Variants in WDFY3 observed in about 807,000 individuals in gnomAD.
The protein encoded by WDFY3 is WD repeat and FYVE domain-containing protein 3.
Under a neutral mutation model 409.6 loss-of-function variants are expected in WDFY3, and 66 were observed. The ratio of observed to expected loss-of-function variants is 0.16; its 90% confidence interval spans 0.13 to 0.20. The LOEUF is 0.20. WDFY3 is among the 10% of genes least tolerant of loss of function. The probability of loss-of-function intolerance (pLI) is 1.00; values close to 1 mark genes in which losing one functional copy is unlikely to be tolerated. For synonymous variants in WDFY3, 1,521 were observed against 1,537.1 expected, an observed-to-expected ratio of 0.99 and a Z score of 0.25; for missense variants, 3,031 against 4,298.1, an observed-to-expected ratio of 0.71 and a Z score of 8.24.
rs771296914 is a variant in WDFY3, at chr4:84,786,036, T to C, written c.4005A>G (p.Thr1335=). 8.1e-6 allele frequency: 13 copies of C among 1,614,082 alleles called. No individual in the cohort carries two copies. In the South Asian group the frequency reaches 1.1e-4, roughly 14 times the overall value. Residue 1335 remains threonine, a synonymous_variant, in exon 24 of 68, where the codon ACA becomes ACG. Coordinates refer to ENST00000295888, the MANE Select transcript of WDFY3 (RefSeq NM_014991.6). ...TATACACTTTCCGGATTCTTGCCAC[T>C]GTTAGAGACGACACAGAGAGTGCAT... ...GLYALSVSSL[T]VARIRKVYNK...
At chr4:84,914,515 G>A (rs879570614) in intron 2 of WDFY3, among the ~76,000 whole-genome samples, 69 of 152,252 alleles carry the variant, frequency 4.5e-4, no homozygotes, top group Non-Finnish European at 8.4e-4. Context: ...TCGACTGGAG[G>A]GGCACTGGCA....
intron 3 of WDFY3, among the ~76,000 whole-genome samples, chr4:84,882,536 T>C (rs996695289): frequency 2.6e-5 from 4 of 152,140 alleles, no homozygotes; most frequent in Non-Finnish European, 4.4e-5. Context: ...ATATTATGTA[T>C]ATATAATCTG....
At chr4:84,914,823 C>T (rs776712273) in intron 2 of WDFY3, among the ~76,000 whole-genome samples, 5 of 152,116 alleles carry the variant, frequency 3.3e-5, no homozygotes, top group Non-Finnish European at 5.9e-5. Flanking sequence ...TACAACCCAG[C>T]AATTCTGTTT....
intron 2 of WDFY3, among the ~76,000 whole-genome samples, chr4:84,924,315 G>A (rs554169529): frequency 2.0e-5 from 3 of 152,218 alleles, no homozygotes; most frequent in South Asian, 2.1e-4. Context: ...ATACATACAC[G>A]GCTTTATATC....
chr4:84,736,132 T>C (rs371657140), intron 42 of WDFY3, 38 bp downstream of exon 42: 3 of 1,583,092 alleles, frequency 1.9e-6, no homozygotes, highest in Non-Finnish European at 2.6e-6. Flanking sequence ...TTATACAAAA[T>C]ACTACAACTA....
chr4:84,909,337 T>C (rs1240114523), intron 2 of WDFY3, among the ~76,000 whole-genome samples: 3 of 152,122 alleles, frequency 2.0e-5, no homozygotes, highest in African/African-American at 7.2e-5. Context: ...TTACAAAATA[T>C]TTATACTTCA....
intron 21 of WDFY3, among the ~76,000 whole-genome samples, chr4:84,791,085 T>C (rs761271052): frequency 1.3e-5 from 2 of 152,132 alleles, no homozygotes; most frequent in Non-Finnish European, 2.9e-5. Flanking sequence ...AACTAACATA[T>C]AATCCAGCAA....
chr4:84,856,182 A>G (rs1474981848), intron 4 of WDFY3, among the ~76,000 whole-genome samples: 1 of 152,244 alleles, frequency 6.6e-6, no homozygotes, highest in Non-Finnish European at 1.5e-5. Flanking sequence ...TTAAGTCAAC[A>G]AATTAAAAAG....
intron 8 of WDFY3, 69 bp downstream of exon 8, chr4:84,831,344 T>C (rs192171063): frequency 8.7e-7 from 1 of 1,143,282 alleles, no homozygotes. Context: ...AAGATAAAAA[T>C]AAATCTATTA....
intron 3 of WDFY3, among the ~76,000 whole-genome samples, chr4:84,870,319 CAA>C (rs1225387726): frequency 6.6e-6 from 1 of 152,120 alleles, no homozygotes; most frequent in Non-Finnish European, 1.5e-5. Flanking sequence ...TTGGACCCAT[CAA>C]AGAACTGAGG....
At chr4:84,832,389 T>G (rs766988483) in intron 7 of WDFY3, among the ~76,000 whole-genome samples, 4 of 152,018 alleles carry the variant, frequency 2.6e-5, no homozygotes, top group Non-Finnish European at 5.9e-5. Context: ...TGAAGTATAG[T>G]TGGGAGTAAG....
At chr4:84,741,964 AC>A (rs1360219428) in intron 37 of WDFY3, 43 bp from the exon 38 acceptor site, 1 of 1,528,722 alleles carries the variant, frequency 6.5e-7, no homozygotes. Flanking sequence ...ATTGATATCT[AC>A]CAACACAGGA....
At chr4:84,909,595 T>G (rs1767501004) in intron 2 of WDFY3, among the ~76,000 whole-genome samples, 1 of 152,130 alleles carries the variant, frequency 6.6e-6, no homozygotes, top group Non-Finnish European at 1.5e-5. Context: ...CTTAGGAGTC[T>G]CACTGCCAGC....
At chr4:84,892,600 C>T (rs1765101180) in intron 3 of WDFY3, among the ~76,000 whole-genome samples, 1 of 152,050 alleles carries the variant, frequency 6.6e-6, no homozygotes, top group Non-Finnish European at 1.5e-5. Context: ...TATAGATCTC[C>T]CAGTTTATAC....
At chr4:84,797,454 A>G (rs1247401778) in intron 18 of WDFY3, among the ~76,000 whole-genome samples, 1 of 152,146 alleles carries the variant, frequency 6.6e-6, no homozygotes, top group Non-Finnish European at 1.5e-5. Context: ...TTCCTCCTAA[A>G]TGTGCTGGAT....
intron 36 of WDFY3, among the ~76,000 whole-genome samples, chr4:84,746,765 C>T (rs1339035062): frequency 6.6e-6 from 1 of 152,060 alleles, no homozygotes; most frequent in Admixed American, 6.5e-5. Flanking sequence ...GTGCCAGACA[C>T]AGGGCTTATA....
intron 45 of WDFY3, 28 bp downstream of exon 45, chr4:84,726,833 C>T: frequency 6.3e-7 from 1 of 1,584,058 alleles, no homozygotes; most frequent in South Asian, 1.2e-5. Flanking sequence ...AAGTAGTTTA[C>T]ATTCTTTTAC....
intron 1 of WDFY3, among the ~76,000 whole-genome samples, chr4:84,963,723 C>T (rs775086452): frequency 3.3e-5 from 5 of 152,226 alleles, no homozygotes; most frequent in Admixed American, 6.5e-5. Context: ...ATGGTATTAC[C>T]GATCAAAGTC....
intron 13 of WDFY3, among the ~76,000 whole-genome samples, chr4:84,815,274 C>T (rs1195316593): frequency 1.3e-5 from 2 of 152,070 alleles, no homozygotes; most frequent in Admixed American, 6.6e-5. Flanking sequence ...CACAGATATC[C>T]TTCATTCAGA....
Sources: gnomAD v4.1 joint callset for allele counts (sites outside exome capture counted in the v4.1 genomes callset) on GRCh38, gnomAD v4.1.1 for gene constraint, MANE v1.5 for transcripts, NCBI Gene and HGNC (gene_info 2026-07-23, HGNC 2026-07-21) for gene names.